Variants in KIAA0825 observed in about 807,000 individuals in gnomAD.
KIAA0825 encodes uncharacterized protein KIAA0825.
Under a neutral mutation model 147.6 loss-of-function variants are expected in KIAA0825, and 119 were observed. The ratio of observed to expected loss-of-function variants is 0.81; its 90% CI spans 0.69 to 0.94. KIAA0825 has a LOEUF of 0.94. Among genes scored for constraint, KIAA0825 ranks in the 40% least tolerant of loss-of-function variants. The pLI, the probability that KIAA0825 is intolerant of heterozygous loss-of-function variation, is 0.00. For missense variants in KIAA0825, 1,381 were observed against 1,472.7 expected, an observed-to-expected ratio of 0.94 and a Z score of 1.02; for synonymous variants, 470 against 518.1, an observed-to-expected ratio of 0.91 and a Z score of 1.26.
At chr5:94,408,830 A>G (rs1354216320) in intron 15 of KIAA0825, among the ~76,000 whole-genome samples, 2 of 152,238 alleles carry the variant, frequency 1.3e-5, no homozygotes. Context: ...TAAAAAATCA[A>G]TTTCTGGTGT....
At chr5:94,464,801 G>T in intron 11 of KIAA0825, 68 bp downstream of exon 11, 2 of 1,351,216 alleles carry the variant, frequency 1.5e-6, no homozygotes. Flanking sequence ...ATGAGATTCA[G>T]AATTCTGCTT....
chr5:94,312,963 T>C (rs1344688721), intron 20 of KIAA0825, among the ~76,000 whole-genome samples: 1 of 151,660 alleles, frequency 6.6e-6, no homozygotes, highest in African/African-American at 2.4e-5. Flanking sequence ...AGCTTGTAGA[T>C]ACCACAGGGG....
chr5:94,230,390 T>C (rs780231531), intron 20 of KIAA0825, among the ~76,000 whole-genome samples: 4 of 152,202 alleles, frequency 2.6e-5, no homozygotes, highest in Non-Finnish European at 4.4e-5. Context: ...TTTCTACTAT[T>C]CTGCCTTCCA....
chr5:94,599,957 G>A (rs1414357476), intron 1 of KIAA0825, among the ~76,000 whole-genome samples: 1 of 152,068 alleles, frequency 6.6e-6, no homozygotes, highest in East Asian at 1.9e-4. Flanking sequence ...AAAAAGGGGG[G>A]AACTAGTACA....
chr5:94,401,546 G>T (rs1751376982), intron 16 of KIAA0825, among the ~76,000 whole-genome samples: 1 of 152,016 alleles, frequency 6.6e-6, no homozygotes, highest in Non-Finnish European at 1.5e-5. Flanking sequence ...CCTGCTCATG[G>T]CCTCTCCCCA....
At chr5:94,232,718 A>C (rs1378439256) in intron 20 of KIAA0825, among the ~76,000 whole-genome samples, 3 of 151,990 alleles carry the variant, frequency 2.0e-5, no homozygotes, top group African/African-American at 7.3e-5. Context: ...TTGCCAAAAA[A>C]TGAAGCTCAT....
chr5:94,309,261 C>T (rs546385789), intron 20 of KIAA0825, among the ~76,000 whole-genome samples: 6 of 151,556 alleles, frequency 4.0e-5, no homozygotes, highest in African/African-American at 1.4e-4. Context: ...AAAACACTTT[C>T]TCAAATAACT....
chr5:94,213,297 T>C (rs1772900304), intron 20 of KIAA0825, among the ~76,000 whole-genome samples: 1 of 152,160 alleles, frequency 6.6e-6, no homozygotes, highest in African/African-American at 2.4e-5. Flanking sequence ...ATTGATATTA[T>C]CTACTATATA....
intron 20 of KIAA0825, among the ~76,000 whole-genome samples, chr5:94,230,416 C>G (rs1025207671): frequency 2.0e-5 from 3 of 152,184 alleles, no homozygotes; most frequent in Non-Finnish European, 1.5e-5. Flanking sequence ...ACCAGTGCTT[C>G]TGAATCTGGA....
At chr5:94,392,194 G>A (rs565683858) in intron 17 of KIAA0825, among the ~76,000 whole-genome samples, 12 of 152,288 alleles carry the variant, frequency 7.9e-5, no homozygotes, top group African/African-American at 2.9e-4. Context: ...GCTAAATATA[G>A]GCTGGGTGCT....
intron 18 of KIAA0825, among the ~76,000 whole-genome samples, chr5:94,391,210 T>C (rs571128876): frequency 6.6e-6 from 1 of 152,336 alleles, no homozygotes; most frequent in Non-Finnish European, 1.5e-5. Flanking sequence ...ACTGTACAAA[T>C]ACCAGATTTT....
intron 20 of KIAA0825, among the ~76,000 whole-genome samples, chr5:94,168,716 A>G (rs1768300444): frequency 6.6e-6 from 1 of 152,194 alleles, no homozygotes; most frequent in African/African-American, 2.4e-5. Context: ...AGGTAGAAAA[A>G]TGTCCCTTAC....
intron 20 of KIAA0825, among the ~76,000 whole-genome samples, chr5:94,350,487 C>A (rs1046330835): frequency 1.3e-5 from 2 of 152,202 alleles, no homozygotes; most frequent in South Asian, 4.1e-4. Context: ...AAAAAGAAAA[C>A]TACAGACTGA....
intron 3 of KIAA0825, among the ~76,000 whole-genome samples, chr5:94,526,519 C>A (rs1769311505): frequency 6.6e-6 from 1 of 151,920 alleles, no homozygotes; most frequent in African/African-American, 2.4e-5. Context: ...ATTATAATGA[C>A]TCTGAATTAG....
chr5:94,378,834 T>C (rs767105598), intron 20 of KIAA0825, among the ~76,000 whole-genome samples: 10 of 152,232 alleles, frequency 6.6e-5, no homozygotes, highest in Non-Finnish European at 1.2e-4. Context: ...GTGGCTTTGA[T>C]TTGCGTTTCT....
chr5:94,248,802 A>G lies in KIAA0825; in HGVS notation c.3711-94678T>C, dbSNP rs573609337. ...AACTACGTTTTTTCCCCTCTCTGTTAAGTAATCCTGCAGGGATTACAAAGA... is the reference window on the plus strand; with the variant it reads ...AACTACGTTTTTTCCCCTCTCTGTTGAGTAATCCTGCAGGGATTACAAAGA... On this transcript the variant is annotated intron_variant, in intron 20 of 20. Coordinates refer to ENST00000682413, the MANE Select transcript of KIAA0825 (RefSeq NM_001145678.3). Among the ~76,000 whole-genome samples, 4 of 152,264 alleles carry G rather than the reference A, an allele frequency of 2.6e-5. No individual in the cohort carries two copies. In the East Asian group the frequency reaches 7.7e-4, roughly 29 times the overall value.
At chr5:94,475,741 G>A (rs1437523407) in intron 7 of KIAA0825, among the ~76,000 whole-genome samples, 2 of 152,012 alleles carry the variant, frequency 1.3e-5, no homozygotes, top group African/African-American at 2.4e-5. Flanking sequence ...CTTGGGAGGC[G>A]GAGATTGCAG....
intron 20 of KIAA0825, among the ~76,000 whole-genome samples, chr5:94,221,915 T>G (rs1400750104): frequency 6.6e-6 from 1 of 152,168 alleles, no homozygotes; most frequent in African/African-American, 2.4e-5. Flanking sequence ...TGTTAGATAC[T>G]GCATCAAGGC....
intron 1 of KIAA0825, among the ~76,000 whole-genome samples, chr5:94,617,332 T>G (rs1324394094): frequency 6.6e-6 from 1 of 152,200 alleles, no homozygotes; most frequent in Non-Finnish European, 1.5e-5. Flanking sequence ...ATGGGGCGAT[T>G]ATAAGTTTGT....
Sources: gnomAD v4.1 joint callset for allele counts (sites outside exome capture counted in the v4.1 genomes callset) on GRCh38, gnomAD v4.1.1 for gene constraint, MANE v1.5 for transcripts, NCBI Gene and HGNC (gene_info 2026-07-23, HGNC 2026-07-21) for gene names.